HEATR5A: variants seen among roughly 807,000 people sequenced by gnomAD.
HEATR5A encodes the protein HEAT repeat containing 5A, also known as HEAT repeat-containing protein 5A.
In HEATR5A, 178 loss-of-function variants were observed where a neutral mutation model predicts 218.8. That is an observed-to-expected ratio of 0.81 (90% CI 0.72 to 0.92). The LOEUF (loss-of-function observed/expected upper bound fraction) is 0.92. Ranked by LOEUF, HEATR5A falls within the 40% of genes least tolerant of loss-of-function variation. HEATR5A has a pLI of 0.00. For synonymous variants in HEATR5A, 864 were observed against 871.6 expected (o/e 0.99, Z 0.15); for missense variants, 2,420 against 2,418.9 (o/e 1.00, Z -0.01).
chr14:31,376,887 G>C (rs764906223), intron 11 of HEATR5A, among the ~76,000 whole-genome samples: 2 of 152,166 alleles, frequency 1.3e-5, no homozygotes, highest in African/African-American at 2.4e-5. Flanking sequence ...CACTTTGGAA[G>C]GGCAAGACAG....
At chr14:31,327,468 AT>A (rs1900309324) in intron 22 of HEATR5A, among the ~76,000 whole-genome samples, 1 of 148,848 alleles carries the variant, frequency 6.7e-6, no homozygotes, top group African/African-American at 2.5e-5. Context: ...TAATTTTTGT[AT>A]TTTTAGTAGA....
chr14:31,379,867 A>C (rs1172111404), intron 11 of HEATR5A, among the ~76,000 whole-genome samples: 1 of 152,104 alleles, frequency 6.6e-6, no homozygotes, highest in African/African-American at 2.4e-5. Context: ...CTTAGGTAGG[A>C]GGATCACTTG....
At chr14:31,345,360 C>T in intron 19 of HEATR5A, 84 bp from the exon 20 acceptor site, 1 of 1,102,668 alleles carries the variant, frequency 9.1e-7, no homozygotes. Context: ...TTTGTTGAAG[C>T]AAGTGATAAA....
intron 12 of HEATR5A, among the ~76,000 whole-genome samples, chr14:31,373,736 G>A (rs575313017): frequency 1.6e-4 from 25 of 152,134 alleles, no homozygotes; most frequent in African/African-American, 5.8e-4. Flanking sequence ...TTCATACATA[G>A]GTTTTTTTCA....
At position 31,309,042 on chromosome 14, in the gene HEATR5A, T is replaced by G; in HGVS notation, c.4582A>C (p.Asn1528His). 6.2e-7 allele frequency: 1 copy of G among 1,613,972 alleles called. No homozygotes were observed. Among genetic ancestry groups the G allele is most frequent in the African/African-American group, 1.3e-5 (1 of 75,038 alleles). The change falls in exon 29 of 36, where the codon AAT becomes CAT. Residue 1528 changes from asparagine (N) to histidine (H), a missense_variant. Asn to His is a moderately conservative substitution (Grantham distance 68). Coordinates refer to ENST00000543095, the MANE Select transcript of HEATR5A (RefSeq NM_015473.4). ...GTTGGTGTTACAGGCCTGGAGAGAT[T>G]AGATGCTCCTTCATCTGGGTCAGCA... ...VVADPDEGASNLSRPVTPTSM... is the reference protein window; with the variant it reads ...VVADPDEGASHLSRPVTPTSM...
chr14:31,373,326 T>C (rs903153681), intron 12 of HEATR5A, among the ~76,000 whole-genome samples: 3 of 151,408 alleles, frequency 2.0e-5, no homozygotes, highest in Non-Finnish European at 2.9e-5. Context: ...GGTGAAACAT[T>C]ACTTTTTTTT....
At chr14:31,385,830 C>A (rs902381440) in intron 9 of HEATR5A, among the ~76,000 whole-genome samples, 1 of 152,088 alleles carries the variant, frequency 6.6e-6, no homozygotes. Flanking sequence ...GGGGCTCAAG[C>A]GATTCTCGTG....
In HEATR5A at chr14:31,302,390, A is replaced by T; in HGVS notation, c.5369T>A (p.Leu1790Ter). Residue 1790 changes from leucine (L) to a stop codon, truncating the protein, a stop_gained, in exon 33 of 36, where the codon TTA becomes TAA. Coordinates refer to ENST00000543095, the MANE Select transcript of HEATR5A (RefSeq NM_015473.4). LOFTEE classifies it high-confidence loss of function. The stretch of plus-strand genomic sequence containing the variant: ...TTCTGCCCGGGCCATGGGAGAAGAT[A>T]ATATTCCTTTTAGAGCCTGTAGGGA... ...AASLQALKGI[L>*]SSPMARAEKS... 6.2e-7 allele frequency: 1 copy of T among 1,602,998 alleles called. No homozygotes were observed. Among genetic ancestry groups the T allele is most frequent in the Non-Finnish European group, 8.5e-7 (1 of 1,174,520 alleles).
chr14:31,366,028 T>G (rs1309818013), intron 13 of HEATR5A, among the ~76,000 whole-genome samples: 1 of 152,218 alleles, frequency 6.6e-6, no homozygotes, highest in Non-Finnish European at 1.5e-5. Flanking sequence ...GAGAGTTATC[T>G]ATTGACTTAT....
intron 33 of HEATR5A, among the ~76,000 whole-genome samples, chr14:31,301,508 TTAAG>T (rs1899373092): frequency 1.3e-5 from 2 of 152,220 alleles, no homozygotes; most frequent in African/African-American, 4.8e-5. Flanking sequence ...GTTTCACATA[TTAAG>T]TTACTGCTCT....
chr14:31,397,308 A>G (rs1192898707), intron 4 of HEATR5A, among the ~76,000 whole-genome samples: 1 of 152,170 alleles, frequency 6.6e-6, no homozygotes, highest in Non-Finnish European at 1.5e-5. Flanking sequence ...TAAAGTGACA[A>G]GAGTAACCAG....
chr14:31,302,360 C>T lies in HEATR5A; in HGVS notation c.5399G>A (p.Ser1800Asn). Reference protein sequence around the residue: ...LSSPMARAEKSRTAWTDLLRS... With the variant: ...LSSPMARAEKNRTAWTDLLRS... ...GAGAAGGTCAGTCCAAGCAGTACGGCTCTTTTCTGCCCGGGCCATGGGAGA... is the reference window on the plus strand; with the variant it reads ...GAGAAGGTCAGTCCAAGCAGTACGGTTCTTTTCTGCCCGGGCCATGGGAGA... Residue 1800 changes from serine (S) to asparagine (N), a missense_variant, in exon 33 of 36, where the codon AGC (serine) becomes AAC (asparagine). Coordinates refer to ENST00000543095, the MANE Select transcript of HEATR5A (RefSeq NM_015473.4). 1 of 1,604,766 alleles carries T rather than the reference C, an allele frequency of 6.2e-7. No individual in the cohort carries two copies. Among genetic ancestry groups the T allele is most frequent in the Non-Finnish European group, 8.5e-7 (1 of 1,175,600 alleles).
intron 28 of HEATR5A, among the ~76,000 whole-genome samples, chr14:31,309,945 T>C (rs1899683795): frequency 6.6e-6 from 1 of 152,070 alleles, no homozygotes; most frequent in African/African-American, 2.4e-5. Context: ...TCAGGCAATC[T>C]GCCCACTTCA....
At chr14:31,348,171 G>A (rs908679015) in intron 18 of HEATR5A, among the ~76,000 whole-genome samples, 5 of 152,080 alleles carry the variant, frequency 3.3e-5, no homozygotes, top group African/African-American at 1.2e-4. Flanking sequence ...ATATATACAT[G>A]AAGAAGGTTT....
chr14:31,417,059 A>C (rs12895352), intron 1 of HEATR5A, among the ~76,000 whole-genome samples: 40,934 of 152,072 alleles, frequency 0.27, 6,855 homozygotes, highest in Non-Finnish European at 0.38. Context: ...AAATAAAATA[A>C]AATAAAAATA....
intron 33 of HEATR5A, among the ~76,000 whole-genome samples, chr14:31,300,874 C>G (rs1899347629): frequency 1.3e-5 from 2 of 152,172 alleles, no homozygotes; most frequent in African/African-American, 4.8e-5. Flanking sequence ...CCTGATTTCA[C>G]TTAAACAGTA....
intron 7 of HEATR5A, among the ~76,000 whole-genome samples, 188 bp from the exon 8 acceptor site, chr14:31,387,563 ATTT>A (rs56997456): frequency 6.9e-6 from 1 of 143,930 alleles, no homozygotes; most frequent in East Asian, 2.0e-4. Context: ...ACTGAAGTGC[ATTT>A]TTTTTTTTTT....
chr14:31,319,517 G>A (rs1336431485), intron 25 of HEATR5A, among the ~76,000 whole-genome samples: 1 of 152,130 alleles, frequency 6.6e-6, no homozygotes, highest in Admixed American at 6.5e-5. Context: ...GCATATGTTG[G>A]TATTAGCTGA....
At chr14:31,362,396 A>T (rs2139236933) in intron 14 of HEATR5A, among the ~76,000 whole-genome samples, 1 of 151,634 alleles carries the variant, frequency 6.6e-6, no homozygotes, top group African/African-American at 2.4e-5. Context: ...TTCTGAGAAA[A>T]TCCAAGTTAA....
Sources: allele counts gnomAD v4.1 joint callset (sites outside exome capture counted in the v4.1 genomes callset), GRCh38; gene constraint gnomAD v4.1.1; transcripts MANE v1.5; gene names NCBI Gene and HGNC (gene_info 2026-07-23, HGNC 2026-07-21).